Variants in LANCL2 observed in about 807,000 individuals in gnomAD.
LANCL2 encodes LanC like glutathione S-transferase 2.
Under a neutral mutation model 56.9 loss-of-function variants are expected in LANCL2, and 33 were observed. The observed-to-expected ratio is 0.58, with a 90% CI of 0.44 to 0.78. The LOEUF (loss-of-function observed/expected upper bound fraction) is 0.78, where lower values mean the gene tolerates loss of function less well. LANCL2 is among the 30% of genes least tolerant of loss of function. The pLI, the probability that LANCL2 is intolerant of heterozygous loss-of-function variation, is 0.00. For missense variants in LANCL2, 562 were observed against 580.2 expected (o/e 0.97, Z 0.32); for synonymous variants, 233 against 228.2 (o/e 1.02, Z -0.19).
At chr7:55,373,673 A>G (rs556719939) in intron 1 of LANCL2, among the ~76,000 whole-genome samples, 1 of 152,194 alleles carries the variant, frequency 6.6e-6, no homozygotes, top group Non-Finnish European at 1.5e-5. Context: ...TGTTGACTGA[A>G]TAAATCTATG....
chr7:55,422,951 A>T (rs1251754098), intron 6 of LANCL2, among the ~76,000 whole-genome samples: 1 of 152,222 alleles, frequency 6.6e-6, no homozygotes, highest in Non-Finnish European at 1.5e-5. Context: ...GCGGTGGAAC[A>T]GGGACTCTAG....
chr7:55,401,709 C>G (rs1268192878), intron 5 of LANCL2, among the ~76,000 whole-genome samples: 2 of 133,856 alleles, frequency 1.5e-5, no homozygotes, highest in African/African-American at 5.9e-5. Context: ...GTTTGTGTCC[C>G]TGGGTACTTG....
intron 1 of LANCL2, among the ~76,000 whole-genome samples, chr7:55,390,072 T>C (rs938405686): frequency 3.3e-5 from 5 of 152,198 alleles, no homozygotes; most frequent in African/African-American, 1.2e-4. Context: ...GAATTTGCCC[T>C]CAAAGCCCTA....
intron 2 of LANCL2, among the ~76,000 whole-genome samples, chr7:55,394,877 A>G (rs946623231): frequency 6.6e-6 from 1 of 151,918 alleles, no homozygotes; most frequent in African/African-American, 2.4e-5. Context: ...AGGCATGGAA[A>G]GTGCACAGGG....
At chr7:55,428,481 T>C (rs1474690477) in intron 8 of LANCL2, 34 bp downstream of exon 8, 1 of 1,569,618 alleles carries the variant, frequency 6.4e-7, no homozygotes, top group Admixed American at 1.7e-5. Context: ...GATTAAATGT[T>C]TGGGTGAAAT....
chr7:55,426,456 C>T (rs764015976), intron 7 of LANCL2, among the ~76,000 whole-genome samples: 14 of 152,176 alleles, frequency 9.2e-5, no homozygotes, highest in African/African-American at 1.4e-4. Context: ...GGAGGCATTG[C>T]GGCTGATATG....
intron 1 of LANCL2, among the ~76,000 whole-genome samples, chr7:55,371,352 T>C (rs1339717404): frequency 1.3e-5 from 2 of 152,188 alleles, no homozygotes; most frequent in Admixed American, 1.3e-4. Context: ...GCTGCCTGAG[T>C]AGCTGGGACC....
At chr7:55,428,768 TTGG>T (rs1790696170) in intron 8 of LANCL2, among the ~76,000 whole-genome samples, 1 of 152,218 alleles carries the variant, frequency 6.6e-6, no homozygotes, top group African/African-American at 2.4e-5. Flanking sequence ...ATATTTAATA[TTGG>T]TGTATTCATG....
intron 2 of LANCL2, among the ~76,000 whole-genome samples, chr7:55,394,559 C>A (rs1790227829): frequency 6.6e-6 from 1 of 152,216 alleles, no homozygotes; most frequent in Non-Finnish European, 1.5e-5. Flanking sequence ...GACCCTGTCT[C>A]AACAAAAGAA....
chr7:55,369,145 C>T (rs1043344686), intron 1 of LANCL2, among the ~76,000 whole-genome samples: 7 of 152,124 alleles, frequency 4.6e-5, no homozygotes, highest in South Asian at 2.1e-4. Flanking sequence ...CCTGTTGATA[C>T]GTTGATTTTG....
At chr7:55,382,826 G>A (rs1435076347) in intron 1 of LANCL2, among the ~76,000 whole-genome samples, 1 of 152,142 alleles carries the variant, frequency 6.6e-6, no homozygotes, top group African/African-American at 2.4e-5. Flanking sequence ...TGTGGCCTGT[G>A]GTTGCATGAC....
intron 7 of LANCL2, 38 bp from the exon 8 acceptor site, chr7:55,428,337 G>A: frequency 6.4e-7 from 1 of 1,572,410 alleles, no homozygotes; most frequent in South Asian, 1.1e-5. Context: ...TCACCAGGTA[G>A]AAACTCCAGT....
At chr7:55,395,024 A>G (rs1005772557) in intron 2 of LANCL2, among the ~76,000 whole-genome samples, 7 of 152,192 alleles carry the variant, frequency 4.6e-5, no homozygotes, top group African/African-American at 9.6e-5. Flanking sequence ...CACTCCTGAT[A>G]CAAGGAAGGG....
At chr7:55,391,583 A>G (rs1207657340) in intron 1 of LANCL2, among the ~76,000 whole-genome samples, 1 of 151,070 alleles carries the variant, frequency 6.6e-6, no homozygotes, top group Non-Finnish European at 1.5e-5. Flanking sequence ...TTGTGATTCT[A>G]CTTATGAGTT....
At chr7:55,401,038 A>G in intron 4 of LANCL2, 136 bp from the exon 5 acceptor site, 2 of 502,702 alleles carry the variant, frequency 4.0e-6, no homozygotes, top group East Asian at 6.4e-5. Context: ...ATTAGCTGCT[A>G]ACTGCTTAAA....
chr7:55,400,200 G>A, intron 4 of LANCL2, 96 bp downstream of exon 4: 1 of 1,090,716 alleles, frequency 9.2e-7, no homozygotes, highest in South Asian at 3.4e-5. Context: ...CTTCTAGGTA[G>A]CATTACTTTT....
Position 55,366,057 on chromosome 7 carries a change from T to A in LANCL2, c.32T>A (p.Leu11His), listed in dbSNP as rs370244318. The A allele has an allele frequency of 3.9e-6, 6 of 1,521,076 alleles. No homozygotes were observed. In the African/African-American group the frequency reaches 5.7e-5, roughly 14 times the overall value. The allele number at this position is 1,521,076 out of a possible 1,614,324, so 94.2% of individuals were successfully genotyped here. A position where few individuals can be genotyped will look rare whatever the true frequency, so the allele number is the denominator to read the frequency against. The change falls in exon 1 of 9, where the codon CTC becomes CAC. Residue 11 changes from leucine (L) to histidine (H), a missense_variant. By Grantham distance (99) the Leu-to-His change is moderately conservative. This residue lies in a region of LANCL2 where 184 missense variants were observed against 111.8 expected (regional missense o/e 1.65). Transcript: ENST00000254770. MGETMSKRLK[L>H]HLGGEAEMEE... is the part of the protein sequence containing the mutation. Reference sequence around the variant, plus strand: ...GAGACCATGTCAAAGAGGCTGAAGCTCCACCTGGGAGGGGAGGCAGAAATG... The same window carrying A: ...GAGACCATGTCAAAGAGGCTGAAGCACCACCTGGGAGGGGAGGCAGAAATG...
chr7:55,417,989 A>G (rs551416670), intron 6 of LANCL2, among the ~76,000 whole-genome samples: 54 of 151,800 alleles, frequency 3.6e-4, no homozygotes, highest in African/African-American at 1.2e-3. Context: ...CAGAACTGAC[A>G]TCTTAATAAT....
At position 55,366,787 on chromosome 7, in the gene LANCL2, A is replaced by G. The variant is rs145628915; in HGVS notation, c.204+558A>G. Among the ~76,000 whole-genome samples, 11 of 152,312 alleles carry G rather than the reference A, an allele frequency of 7.2e-5. No individual in the cohort carries two copies. In the East Asian group the frequency reaches 2.1e-3, roughly 29 times the overall value. ...CATAAAACAGATTAACAACAGAAAA[A>G]CATACATCTCTTGAATATGTTTTAC... On this transcript the variant is annotated intron_variant, in intron 1 of 8. Transcript: ENST00000254770.
Sources: allele counts gnomAD v4.1 joint callset (sites outside exome capture counted in the v4.1 genomes callset), GRCh38; gene constraint gnomAD v4.1.1; regional missense constraint gnomAD v4.1.1; transcripts MANE v1.5; gene names NCBI Gene and HGNC (gene_info 2026-07-23, HGNC 2026-07-21).